Variants in DRC1 observed in about 807,000 individuals in gnomAD.
DRC1 encodes the protein dynein regulatory complex protein 1.
Under a neutral mutation model 98.7 loss-of-function variants are expected in DRC1, and 74 were observed. That is an observed-to-expected ratio of 0.75 (90% CI 0.62 to 0.91). The LOEUF is 0.91. Among genes scored for constraint, DRC1 ranks in the 40% least tolerant of loss-of-function variants. DRC1 has a pLI of 0.00. For missense variants in DRC1, 875 were observed against 886.0 expected (o/e 0.99, Z 0.16); for synonymous variants, 336 against 334.1 (o/e 1.01, Z -0.06).
chr2:26,452,815 T>C (rs1664042917), intron 13 of DRC1, among the ~76,000 whole-genome samples: 1 of 152,218 alleles, frequency 6.6e-6, no homozygotes, highest in African/African-American at 2.4e-5. Context: ...GTATCATTGA[T>C]GTCAAAACGA....
chr2:26,423,879 G>T (rs1426332871), intron 3 of DRC1, among the ~76,000 whole-genome samples: 1 of 152,230 alleles, frequency 6.6e-6, no homozygotes, highest in African/African-American at 2.4e-5. Context: ...AAGGTTGACA[G>T]TCAGTTAGGA....
intron 2 of DRC1, among the ~76,000 whole-genome samples, chr2:26,416,566 A>G (rs1340715327): frequency 6.6e-6 from 1 of 152,146 alleles, no homozygotes; most frequent in African/African-American, 2.4e-5. Context: ...ATTTTGGCCT[A>G]TGACCTATCT....
intron 2 of DRC1, among the ~76,000 whole-genome samples, chr2:26,419,164 C>T (rs533459625): frequency 5.3e-5 from 8 of 152,082 alleles, no homozygotes; most frequent in African/African-American, 1.7e-4. Flanking sequence ...GCTGGGATTA[C>T]AGGTGTGAGC....
At chr2:26,413,147 CT>C (rs1321635644) in intron 1 of DRC1, among the ~76,000 whole-genome samples, 1 of 151,236 alleles carries the variant, frequency 6.6e-6, no homozygotes, top group Non-Finnish European at 1.5e-5. Flanking sequence ...GCTCCCTTTA[CT>C]TAACTGCTGT....
At chr2:26,406,802 A>C (rs533227564) in intron 1 of DRC1, among the ~76,000 whole-genome samples, 1 of 140,484 alleles carries the variant, frequency 7.1e-6, no homozygotes, top group South Asian at 2.3e-4. Flanking sequence ...TTTCTGGGAG[A>C]TGTCACTTTC....
At chr2:26,433,264 T>G (rs1188796373) in intron 7 of DRC1, among the ~76,000 whole-genome samples, 1 of 152,248 alleles carries the variant, frequency 6.6e-6, no homozygotes, top group East Asian at 1.9e-4. Context: ...TATGGTCTGT[T>G]CATTTCAGTC....
intron 2 of DRC1, among the ~76,000 whole-genome samples, chr2:26,414,859 C>T (rs988880919): frequency 6.6e-6 from 1 of 151,938 alleles, no homozygotes; most frequent in African/African-American, 2.4e-5. Flanking sequence ...GAATGCCAGG[C>T]CCCCTCTATT....
chr2:26,449,977 C>T lies in DRC1; in HGVS notation c.1510-19C>T. 1.2e-6 allele frequency: 2 copies of T among 1,611,152 alleles called. No homozygotes were observed. Among genetic ancestry groups the T allele is most frequent in the African/African-American group, 1.3e-5 (1 of 74,982 alleles). ...TGAAACCTGTCCCCGACAGGAGATG[C>T]CTTCTTCCTTCTCCCCAGGGGTTCC... On this transcript the variant is annotated intron_variant, in intron 11 of 16. Coordinates refer to ENST00000288710, the MANE Select transcript of DRC1 (RefSeq NM_145038.5).
chr2:26,442,489 C>G (rs1663743506), intron 8 of DRC1, among the ~76,000 whole-genome samples: 1 of 152,156 alleles, frequency 6.6e-6, no homozygotes, highest in African/African-American at 2.4e-5. Flanking sequence ...GGTGGTTCTG[C>G]TTTTCCTTGC....
Position 26,430,804 on chromosome 2 carries a change from C to T in DRC1, c.697C>T (p.Arg233Cys), listed in dbSNP as rs756180718. The change falls in exon 6 of 17, where the codon CGC (arginine) becomes TGC (cysteine). Residue 233 changes from arginine to cysteine, a missense_variant. By Grantham distance (180) the Arg-to-Cys change is radical (BLOSUM62 -3). Transcript: ENST00000288710. ...YNIEKAFEVE[R>C]QELLASNKKK... ...GTCGTAGAAAGCATTTGAGGTGGAA[C>T]GCCAAGAGCTACTGGCCAGTAATAA... 38 of 1,614,020 alleles carry T rather than the reference C, an allele frequency of 2.4e-5. No individual in the cohort carries two copies. Among genetic ancestry groups the T allele is most frequent in the Admixed American group, 3.3e-5 (2 of 60,020 alleles).
At chr2:26,402,255 AAGT>A (rs1678270619) in intron 1 of DRC1, 111 bp downstream of exon 1, 1 of 1,422,396 alleles carries the variant, frequency 7.0e-7, no homozygotes, top group African/African-American at 1.5e-5. Flanking sequence ...GAGTATGGGA[AAGT>A]AAAACGCTGG....
At chr2:26,444,494 T>C (rs1262242777) in intron 9 of DRC1, 138 bp downstream of exon 9, 2 of 1,249,006 alleles carry the variant, frequency 1.6e-6, no homozygotes, top group African/African-American at 3.0e-5. Context: ...TAACCTTTTG[T>C]GGTGTGTTCC....
chr2:26,414,143 A>ATTATTG (rs947879477), intron 1 of DRC1, among the ~76,000 whole-genome samples: 5 of 144,752 alleles, frequency 3.5e-5, no homozygotes, highest in Non-Finnish European at 6.0e-5. Context: ...TATTATTATT[A>ATTATTG]TTGTTTTACA....
intron 4 of DRC1, 51 bp downstream of exon 4, chr2:26,424,505 T>TA (rs1663234566): frequency 1.3e-6 from 2 of 1,547,392 alleles, no homozygotes; most frequent in East Asian, 4.5e-5. Flanking sequence ...GCCTGGGATT[T>TA]AGCTGGGTTA....
intron 10 of DRC1, among the ~76,000 whole-genome samples, chr2:26,446,908 A>G (rs992445491): frequency 1.3e-5 from 2 of 152,010 alleles, no homozygotes; most frequent in African/African-American, 4.8e-5. Flanking sequence ...CCTGGCCAAC[A>G]TGGCGAAAAC....
Position 26,431,973 on chromosome 2 carries a change from C to A in DRC1, c.855C>A (p.Asn285Lys). ...GGATCTGGGATTGCGAAGAATACAACATGATCAAGATCAAGCTGGAGCAGG... is the reference window on the plus strand; with the variant it reads ...GGATCTGGGATTGCGAAGAATACAAAATGATCAAGATCAAGCTGGAGCAGG... ...RQRIWDCEEY[N>K]MIKIKLEQDV... Residue 285 changes from asparagine (N) to lysine (K), a missense_variant, in exon 7 of 17, where the codon AAC (asparagine) becomes AAA (lysine). Coordinates refer to ENST00000288710, the MANE Select transcript of DRC1 (RefSeq NM_145038.5). 6.2e-7 allele frequency: 1 copy of A among 1,614,166 alleles called. No individual in the cohort carries two copies. Among genetic ancestry groups the A allele is most frequent in the Non-Finnish European group, 8.5e-7 (1 of 1,180,008 alleles).
chr2:26,444,413 G>A (rs534746058), intron 9 of DRC1, 57 bp downstream of exon 9: 13 of 1,579,120 alleles, frequency 8.2e-6, no homozygotes, highest in Admixed American at 1.9e-5. Context: ...GACGGGGATG[G>A]AGTTTGTACA....
rs757246145 is a variant in DRC1, at chr2:26,424,359, A to G, written c.445A>G (p.Ile149Val). 2.8e-5 allele frequency: 45 copies of G among 1,613,782 alleles called. No homozygotes were observed. The highest frequency in any genetic ancestry group is 5.0e-5 in the Admixed American group (3 of 59,956). ...SKWEEGKQKR[I>V]PQELWEMLNT... ...GTGGGAAGAGGGCAAGCAGAAGAGA[A>G]TTCCCCAAGAGCTGTGGGAAATGCT... The change falls in exon 4 of 17, where the codon ATT becomes GTT. Residue 149 changes from isoleucine (I) to valine (V), a missense_variant. Coordinates refer to ENST00000288710, the MANE Select transcript of DRC1 (RefSeq NM_145038.5).
intron 1 of DRC1, among the ~76,000 whole-genome samples, chr2:26,408,239 G>C (rs1300754113): frequency 6.6e-6 from 1 of 152,156 alleles, no homozygotes; most frequent in East Asian, 1.9e-4. Context: ...CAGAAGATTG[G>C]AGGTTTGGAG....
Sources: allele counts gnomAD v4.1 joint callset (sites outside exome capture counted in the v4.1 genomes callset), GRCh38; gene constraint gnomAD v4.1.1; transcripts MANE v1.5; gene names NCBI Gene and HGNC (gene_info 2026-07-23, HGNC 2026-07-21).